LAMA4: variants seen among roughly 807,000 people sequenced by gnomAD.
LAMA4 encodes the protein laminin subunit alpha 4, also known as laminin subunit alpha-4.
Under a neutral mutation model 207.1 loss-of-function variants are expected in LAMA4, and 127 were observed. That is an observed-to-expected ratio of 0.61 (90% CI 0.53 to 0.71). LAMA4 has a LOEUF of 0.71. Among genes scored for constraint, LAMA4 ranks in the 30% least tolerant of loss-of-function variants. The probability of loss-of-function intolerance (pLI) is 0.00; values close to 1 mark genes in which losing one functional copy is unlikely to be tolerated. For missense variants in LAMA4, 2,093 were observed against 2,246.5 expected (o/e 0.93, Z 1.38); for synonymous variants, 761 against 816.0 (o/e 0.93, Z 1.15).
At chr6:112,160,397 ACT>A (rs1203327844) in intron 13 of LAMA4, among the ~76,000 whole-genome samples, 1 of 152,104 alleles carries the variant, frequency 6.6e-6, no homozygotes, top group African/African-American at 2.4e-5. Context: ...CTAGCTACTG[ACT>A]CTTCTCAGAT....
At chr6:112,121,096 A>G (rs1175395485) in intron 32 of LAMA4, among the ~76,000 whole-genome samples, 1 of 152,180 alleles carries the variant, frequency 6.6e-6, no homozygotes, top group Non-Finnish European at 1.5e-5. Flanking sequence ...AAAGGCTGCA[A>G]TTTAGTAAAA....
At chr6:112,150,142 G>A (rs1329494632) in intron 17 of LAMA4, among the ~76,000 whole-genome samples, 2 of 151,500 alleles carry the variant, frequency 1.3e-5, no homozygotes, top group East Asian at 1.9e-4. Flanking sequence ...ATTGTTATGA[G>A]GAAGGATGTT....
intron 35 of LAMA4, 134 bp from the exon 36 acceptor site, chr6:112,116,127 G>A: frequency 1.1e-6 from 1 of 879,242 alleles, no homozygotes; most frequent in Non-Finnish European, 1.7e-6. Context: ...AGTAGAAAGT[G>A]GCTTTTCCAT....
intron 2 of LAMA4, chr6:112,251,446 T>C (rs1460981548): frequency 5.9e-5 from 9 of 152,200 alleles, no homozygotes; most frequent in African/African-American, 2.2e-4. Context: ...AATATTTTTC[T>C]TCATTCCCTC....
chr6:112,252,685 C>T (rs991609213), intron 2 of LAMA4, among the ~76,000 whole-genome samples: 7 of 152,132 alleles, frequency 4.6e-5, no homozygotes, highest in Non-Finnish European at 1.0e-4. Flanking sequence ...AGGGACTTTA[C>T]GTGCTCAAAG....
At position 112,154,678 on chromosome 6, in the gene LAMA4, T is replaced by G. The variant is rs1234422172; in HGVS notation, c.2056+173A>C. 6.3e-6 allele frequency: 4 copies of G among 631,950 alleles called. No homozygotes were observed. The Admixed American group carries it at 1.1e-4, about 17-fold the overall frequency. 39.1% of individuals were successfully genotyped at this position (631,950 alleles called of 1,614,324 possible). A position where few individuals can be genotyped will look rare whatever the true frequency, so the allele number is the denominator to read the frequency against. ...AGCATTTTTTTTTTCAATCACAATTTAAAGTATCAAATCTTTGCTCTTTTG... is the reference window on the plus strand; with the variant it reads ...AGCATTTTTTTTTTCAATCACAATTGAAAGTATCAAATCTTTGCTCTTTTG... On this transcript the variant is annotated intron_variant, in intron 16 of 38. Transcript: ENST00000230538.
intron 16 of LAMA4, among the ~76,000 whole-genome samples, chr6:112,151,968 G>GTTAAACTAT (rs1372186860): frequency 6.6e-6 from 1 of 152,022 alleles, no homozygotes; most frequent in Middle Eastern, 3.2e-3. Flanking sequence ...TTTTTTAAAT[G>GTTAAACTAT]TTAAACTATT....
chr6:112,179,886 ACT>A (rs1395709119), intron 9 of LAMA4: 1 of 531,974 alleles, frequency 1.9e-6, no homozygotes, highest in Admixed American at 1.9e-5. Context: ...CTGAATGGAC[ACT>A]GTCTTCTGAG....
In LAMA4 at chr6:112,132,996, T is replaced by C. The variant is rs113869082; in HGVS notation, c.3697-106A>G. The C allele has an allele frequency of 2.0e-3, 2,348 of 1,178,428 alleles. 42 individuals are homozygous for C. The African/African-American group carries it at 0.032, about 16-fold the overall frequency. The allele number at this position is 1,178,428 out of a possible 1,614,324, so 73.0% of individuals were successfully genotyped here. ...CCTTGCCTGTTAATTTCTACGTAAA[T>C]AGTTTATTTTCCCACTTCTGGTCTA... On this transcript the variant is annotated intron_variant, in intron 27 of 38. Transcript: ENST00000230538.
rs267600767 is a variant in LAMA4 at position 112,158,871 on chromosome 6, C to T, written c.1678G>A (p.Gly560Arg). The T allele has an allele frequency of 1.2e-6, 2 of 1,609,988 alleles. No individual in the cohort carries two copies. The highest frequency in any genetic ancestry group is 2.2e-5 in the South Asian group (2 of 90,866). Reference sequence around the variant, plus strand: ...GCTCCATCTATTTCTGCATAAATCCCTGACGCATTCTAAAGAAAAAAATTT... The same window carrying T: ...GCTCCATCTATTTCTGCATAAATCCTTGACGCATTCTAAAGAAAAAAATTT... ...ELDDIIKNAS[G>R]IYAEIDGAKS... is the part of the protein sequence containing the mutation. Residue 560 changes from glycine to arginine, a missense_variant, in exon 14 of 39, where the codon GGG becomes AGG. Around this residue, in one of 3 missense-constraint regions of LAMA4, gnomAD observed 1,704 missense variants for 1,788.4 expected, o/e 0.95. Transcript: ENST00000230538.
At chr6:112,112,439 T>C (rs919319704) in intron 38 of LAMA4, among the ~76,000 whole-genome samples, 7 of 152,268 alleles carry the variant, frequency 4.6e-5, no homozygotes, top group Admixed American at 1.3e-4. Context: ...TTGCATGCTA[T>C]GGTGAATTTA....
Position 112,142,114 on chromosome 6 carries a change from C to T in LAMA4, c.2667+5G>A. 1 of 1,614,018 alleles carries T rather than the reference C, an allele frequency of 6.2e-7. No homozygotes were observed. Among genetic ancestry groups the T allele is most frequent in the Non-Finnish European group, 8.5e-7 (1 of 1,179,936 alleles). ...TATTCCCTCCTTTCAAACTCATGTG[C>T]TTACGTTTTTGCTTCCGAGGTACAG... On this transcript the variant is annotated splice_donor_5th_base_variant and intron_variant, in intron 20 of 38. Transcript: ENST00000230538.
chr6:112,183,730 C>A (rs1782501047), intron 9 of LAMA4, among the ~76,000 whole-genome samples: 1 of 151,868 alleles, frequency 6.6e-6, no homozygotes, highest in Admixed American at 6.6e-5. Flanking sequence ...GTGAGCTGAT[C>A]ACCTGAGGTC....
chr6:112,206,836 T>G (rs1554354416), intron 4 of LAMA4, among the ~76,000 whole-genome samples, 185 bp downstream of exon 4: 6 of 152,238 alleles, frequency 3.9e-5, no homozygotes, highest in Non-Finnish European at 8.8e-5. Flanking sequence ...TTGTAAGTGC[T>G]TAAGCATTCC....
chr6:112,117,040 G>C lies in LAMA4; in HGVS notation c.4981+699C>G, dbSNP rs1778059627. ...TTCAGGGGATGTGCAAAGTACCTAA[G>C]TGCCTTGAGAGGAGGGAACATGCAG... On this transcript the variant is annotated intron_variant, in intron 35 of 38. Transcript: ENST00000230538. This position sits in a 1 kb window ranked among gnomAD's most constrained non-coding sequence, Gnocchi z 4.5. Among the ~76,000 whole-genome samples the C allele has an allele frequency of 6.6e-6, 1 of 152,294 alleles. No homozygotes were observed. The highest frequency in any genetic ancestry group is 1.9e-4 in the East Asian group (1 of 5,186).
At chr6:112,185,378 A>G in intron 8 of LAMA4, 31 bp from the exon 9 acceptor site, 1 of 1,277,912 alleles carries the variant, frequency 7.8e-7, no homozygotes, top group Non-Finnish European at 1.1e-6. Context: ...AGAATAGTCA[A>G]TGGGCACACC....
rs1780883436 is a variant in LAMA4, at chr6:112,158,874, A to G, written c.1675T>C (p.Ser559Pro). The G allele has an allele frequency of 1.2e-6, 2 of 1,609,512 alleles. No individual in the cohort carries two copies. The highest frequency in any genetic ancestry group is 1.7e-6 in the Non-Finnish European group (2 of 1,176,142). Residue 559 changes from serine (S) to proline (P), a missense_variant, in exon 14 of 39, where the codon TCA becomes CCA. Transcript: ENST00000230538. ...CCATCTATTTCTGCATAAATCCCTG[A>G]CGCATTCTAAAGAAAAAAATTTTAA... is the stretch of plus-strand genomic sequence containing the variant. ...SELDDIIKNA[S>P]GIYAEIDGAK...
intron 33 of LAMA4, among the ~76,000 whole-genome samples, chr6:112,119,872 A>G (rs1554325548): frequency 1.3e-5 from 2 of 152,150 alleles, no homozygotes; most frequent in African/African-American, 4.8e-5. Flanking sequence ...ATACCCACCA[A>G]TTTCTTTCAA....
At chr6:112,215,384 G>A (rs943332400) in intron 3 of LAMA4, among the ~76,000 whole-genome samples, 1 of 152,160 alleles carries the variant, frequency 6.6e-6, no homozygotes, top group Non-Finnish European at 1.5e-5. Context: ...CTTAATGTGT[G>A]AATAAAATAT....
Sources: allele counts gnomAD v4.1 joint callset (sites outside exome capture counted in the v4.1 genomes callset), GRCh38; gene constraint gnomAD v4.1.1; regional missense constraint gnomAD v4.1.1; non-coding constraint Gnocchi (gnomAD v3.1); transcripts MANE v1.5; gene names NCBI Gene and HGNC (gene_info 2026-07-23, HGNC 2026-07-21).